DISC1: variants seen among roughly 807,000 people sequenced by gnomAD.
DISC1 encodes the protein disrupted in schizophrenia 1 protein.
DISC1 carries 57 observed loss-of-function variants against 84.5 expected under a neutral mutation model. The ratio of observed to expected loss-of-function variants is 0.67; its 90% CI spans 0.55 to 0.84. DISC1 has a LOEUF of 0.84. Ranked by LOEUF, DISC1 falls within the 40% of genes least tolerant of loss-of-function variation. The probability of loss-of-function intolerance (pLI) is 0.00; values close to 1 mark genes in which losing one functional copy is unlikely to be tolerated. For synonymous variants in DISC1, 411 were observed against 415.2 expected, an observed-to-expected ratio of 0.99 and a Z score of 0.12; for missense variants, 1,000 against 1,057.8, an observed-to-expected ratio of 0.95 and a Z score of 0.76.
rs773988171 is a variant in DISC1, at chr1:232,026,416, GT to G, written c.2308-15del. On this transcript the variant is annotated intron_variant, in intron 11 of 12. Coordinates refer to ENST00000439617, the MANE Select transcript of DISC1 (RefSeq NM_018662.3). ...GTCCACGGCACTAACAAGTGATCTT[GT>G]TTTCCCCCTCTCGCCAGGAATCTTA... The G allele has an allele frequency of 9.1e-6, 14 of 1,545,186 alleles. No homozygotes were observed. The East Asian group carries it at 2.5e-4, about 28-fold the overall frequency.
intron 1 of DISC1, among the ~76,000 whole-genome samples, chr1:231,689,410 C>T (rs1202859596): frequency 6.6e-6 from 1 of 152,048 alleles, no homozygotes; most frequent in Non-Finnish European, 1.5e-5. Context: ...CGGCTCACTG[C>T]AACCTCCGTC....
rs905119191 is a variant in DISC1 at position 231,958,997 on chromosome 1, T to A, written c.2042+109T>A. ...AAGGCTGGCCAGTTTCTCTAATAAA[T>A]TAACAAAGAAAGACACAAAAAAGCC... is the stretch of plus-strand genomic sequence containing the variant. On this transcript the variant is annotated intron_variant, in intron 10 of 12. Coordinates refer to ENST00000439617, the MANE Select transcript of DISC1 (RefSeq NM_018662.3). 2.9e-5 allele frequency: 43 copies of A among 1,469,200 alleles called. No individual in the cohort carries two copies. The South Asian group carries it at 5.4e-4, about 19-fold the overall frequency. 91.0% of individuals were successfully genotyped at this position (1,469,200 alleles called of 1,614,324 possible). A position where few individuals can be genotyped will look rare whatever the true frequency, so the allele number is the denominator to read the frequency against.
intron 3 of DISC1, among the ~76,000 whole-genome samples, chr1:231,730,171 T>C (rs2071332215): frequency 6.6e-6 from 1 of 152,212 alleles, no homozygotes; most frequent in South Asian, 2.1e-4. Flanking sequence ...TTAAATGCCA[T>C]GTCCAGTTTA....
At chr1:231,816,087 A>C (rs962259453) in intron 8 of DISC1, among the ~76,000 whole-genome samples, 1 of 152,224 alleles carries the variant, frequency 6.6e-6, no homozygotes, top group African/African-American at 2.4e-5. Flanking sequence ...TGAGAGTTCC[A>C]GTTGCTCCAT....
chr1:231,917,152 G>A (rs548574875), intron 9 of DISC1, among the ~76,000 whole-genome samples: 13 of 152,270 alleles, frequency 8.5e-5, no homozygotes, highest in African/African-American at 3.1e-4. Context: ...AAAACCTTAA[G>A]TGTTGGAAAT....
At chr1:231,997,366 G>C (rs1666090313) in intron 10 of DISC1, among the ~76,000 whole-genome samples, 1 of 152,158 alleles carries the variant, frequency 6.6e-6, no homozygotes, top group African/African-American at 2.4e-5. Context: ...TCACACCGTA[G>C]AAGCCAGAGC....
intron 3 of DISC1, among the ~76,000 whole-genome samples, chr1:231,717,905 C>T (rs1258825690): frequency 6.6e-6 from 1 of 152,134 alleles, no homozygotes; most frequent in African/African-American, 2.4e-5. Context: ...AATGTCCAAA[C>T]TAAGATCTAA....
Position 231,795,245 on chromosome 1 carries a change from C to T in DISC1, c.1638C>T (p.Leu546=). ...CTCCTCTTTTTAATTCTTCCAGCCTCCAGGAAAGAATAAAATCCCTCAACT... is the reference window on the plus strand; with the variant it reads ...CTCCTCTTTTTAATTCTTCCAGCCTTCAGGAAAGAATAAAATCCCTCAACT... ...HAEPPETIRS[L]QERIKSLNLS... Residue 546 remains leucine, a synonymous_variant, in exon 7 of 13, where the codon CTC becomes CTT. Transcript: ENST00000439617. 6.2e-7 allele frequency: 1 copy of T among 1,613,578 alleles called. No homozygotes were observed. Among genetic ancestry groups the T allele is most frequent in the Non-Finnish European group, 8.5e-7 (1 of 1,179,590 alleles).
At chr1:231,728,554 G>C (rs2071062147) in intron 3 of DISC1, among the ~76,000 whole-genome samples, 1 of 152,154 alleles carries the variant, frequency 6.6e-6, no homozygotes, top group Non-Finnish European at 1.5e-5. Context: ...CTCTATCCTT[G>C]GAGTTATACA....
chr1:231,726,369 A>G lies in DISC1; in HGVS notation c.1118-23557A>G, dbSNP rs373459772. ...ATGAGCTGCAGGCACCTTTTTTTTG[A>G]GGCCTGGCCTTGTAAACCTGAGTTT... On this transcript the variant is annotated intron_variant, in intron 3 of 12. Transcript: ENST00000439617. Among the ~76,000 whole-genome samples the G allele has an allele frequency of 9.2e-5, 14 of 152,152 alleles. No individual in the cohort carries two copies. In the East Asian group the frequency reaches 2.5e-3, roughly 27 times the overall value.
intron 4 of DISC1, among the ~76,000 whole-genome samples, chr1:231,757,919 T>G (rs542820678): frequency 6.6e-6 from 1 of 151,352 alleles, no homozygotes; most frequent in Non-Finnish European, 1.5e-5. Context: ...GGAACCGTGC[T>G]CACAGTCGGC....
At chr1:231,838,571 C>T (rs1020155425) in intron 9 of DISC1, among the ~76,000 whole-genome samples, 6 of 152,156 alleles carry the variant, frequency 3.9e-5, no homozygotes, top group African/African-American at 7.2e-5. Flanking sequence ...CTTCCACTCT[C>T]GTTTTTTGCC....
intron 10 of DISC1, among the ~76,000 whole-genome samples, chr1:231,968,975 T>C (rs1661516758): frequency 6.6e-6 from 1 of 152,138 alleles, no homozygotes; most frequent in Non-Finnish European, 1.5e-5. Context: ...GATTAATCAA[T>C]GATCACTAGT....
chr1:231,865,394 C>T (rs1180306283), intron 9 of DISC1, among the ~76,000 whole-genome samples: 3 of 152,136 alleles, frequency 2.0e-5, no homozygotes, highest in Admixed American at 2.0e-4. Context: ...TTCAGTGATG[C>T]CAGAAAATCA....
chr1:231,937,355 C>A (rs982723624), intron 9 of DISC1, among the ~76,000 whole-genome samples: 106 of 152,280 alleles, frequency 7.0e-4, no homozygotes, highest in African/African-American at 2.5e-3. Context: ...TACCAGGAAA[C>A]TGTGGGGGTT....
At chr1:231,823,313 C>A (rs1216928849) in intron 9 of DISC1, among the ~76,000 whole-genome samples, 1 of 151,904 alleles carries the variant, frequency 6.6e-6, no homozygotes, top group Non-Finnish European at 1.5e-5. Flanking sequence ...AAATGGAGAG[C>A]CGGGACAATA....
intron 8 of DISC1, among the ~76,000 whole-genome samples, chr1:231,806,934 C>T (rs921154732): frequency 5.3e-5 from 8 of 152,182 alleles, no homozygotes; most frequent in Non-Finnish European, 1.0e-4. Flanking sequence ...TACTACCCAT[C>T]CCCATCAGAA....
At chr1:231,710,626 G>C (rs2067697695) in intron 3 of DISC1, among the ~76,000 whole-genome samples, 1 of 152,292 alleles carries the variant, frequency 6.6e-6, no homozygotes. Flanking sequence ...GTTGTCAGTA[G>C]GGTTGGTCTC....
chr1:231,810,997 G>T (rs1208734829), intron 8 of DISC1, among the ~76,000 whole-genome samples: 1 of 152,116 alleles, frequency 6.6e-6, no homozygotes, highest in Non-Finnish European at 1.5e-5. Context: ...TCCATCTTTT[G>T]CTATGGCCTG....
Sources: allele counts gnomAD v4.1 joint callset (sites outside exome capture counted in the v4.1 genomes callset), GRCh38; gene constraint gnomAD v4.1.1; transcripts MANE v1.5; gene names NCBI Gene and HGNC (gene_info 2026-07-23, HGNC 2026-07-21).